The following ERBB2 variants were observed in gnomAD, a reference collection of about 807,000 sequenced individuals.
The protein encoded by ERBB2 is receptor tyrosine-protein kinase erbB-2.
Under a neutral mutation model 149.0 loss-of-function variants are expected in ERBB2, and 61 were observed. The observed-to-expected ratio is 0.41, with a 90% CI of 0.33 to 0.51. ERBB2 has a LOEUF of 0.51. Ranked by LOEUF, ERBB2 falls within the 20% of genes least tolerant of loss-of-function variation. The pLI is 0.25. For synonymous variants in ERBB2, 633 were observed against 678.8 expected, an observed-to-expected ratio of 0.93 and a Z score of 1.05; for missense variants, 1,205 against 1,655.1, an observed-to-expected ratio of 0.73 and a Z score of 4.72.
intron 2 of ERBB2, 161 bp from the exon 3 acceptor site, chr17:39,708,160 G>A: frequency 1.7e-6 from 1 of 585,242 alleles, no homozygotes; most frequent in Non-Finnish European, 3.0e-6. Context: ...GCAAGGTAGG[G>A]CGTGATCTTT....
chr17:39,700,459 C>G lies in ERBB2; in HGVS notation c.73+148C>G, dbSNP rs2058029004. The G allele has an allele frequency of 7.8e-6, 5 of 641,514 alleles. No homozygotes were observed. In the South Asian group the frequency reaches 2.4e-4, roughly 30 times the overall value. The allele number at this position is 641,514 out of a possible 1,614,324, so 39.7% of individuals were successfully genotyped here. A position where few individuals can be genotyped will look rare whatever the true frequency, so the allele number is the denominator to read the frequency against. ...GGACAGTCGAGACGCTCAGGGCAGC[C>G]GGGCCCTGGGGCCCTCGGGCGGGAG... On this transcript the variant is annotated intron_variant, in intron 1 of 26. Transcript: ENST00000269571.
intron 16 of ERBB2, among the ~76,000 whole-genome samples, chr17:39,722,912 CG>C (rs770391469): frequency 1.3e-5 from 2 of 151,952 alleles, no homozygotes; most frequent in Admixed American, 6.6e-5. Context: ...TTAGTAGAGA[CG>C]GGGGTTTCAC....
intron 1 of ERBB2, among the ~76,000 whole-genome samples, chr17:39,702,394 G>T (rs1428970580): frequency 6.6e-6 from 1 of 152,224 alleles, no homozygotes; most frequent in African/African-American, 2.4e-5. Context: ...GAGGCCTAGG[G>T]GGAGCCCCAG....
intron 16 of ERBB2, among the ~76,000 whole-genome samples, chr17:39,721,483 A>G (rs2059450981): frequency 6.6e-6 from 1 of 152,142 alleles, no homozygotes; most frequent in Admixed American, 6.5e-5. Flanking sequence ...CATGTTGGCC[A>G]GGCTGGTCTT....
intron 9 of ERBB2, among the ~76,000 whole-genome samples, chr17:39,713,929 G>A (rs181046534): frequency 1.3e-5 from 2 of 151,678 alleles, no homozygotes; most frequent in African/African-American, 2.4e-5. Flanking sequence ...ATGGTGGTAC[G>A]CACCTGTAGT....
intron 3 of ERBB2, 42 bp downstream of exon 3, chr17:39,708,576 A>AGCTGACCAGGGCCACT: frequency 6.6e-7 from 1 of 1,522,184 alleles, no homozygotes; most frequent in Non-Finnish European, 9.1e-7. Context: ...GGTTATTCAG[A>AGCTGACCAGGGCCACT]GCTGACCAGG....
intron 16 of ERBB2, among the ~76,000 whole-genome samples, chr17:39,720,568 C>T (rs1175955799): frequency 6.6e-6 from 1 of 152,138 alleles, no homozygotes; most frequent in Non-Finnish European, 1.5e-5. Flanking sequence ...AGACCCTGTG[C>T]TAAGCAAGGG....
At chr17:39,691,394 A>T (rs1175004152), upstream of ERBB2, among the ~76,000 whole-genome samples, 1 of 151,650 alleles carries the variant, frequency 6.6e-6, no homozygotes, top group African/African-American at 2.4e-5. Context: ...ATACAAAAAA[A>T]TTAGCTGGGC....
chr17:39,692,405 C>CT (rs779846935), upstream of ERBB2, among the ~76,000 whole-genome samples: 606 of 142,978 alleles, frequency 4.2e-3, 3 homozygotes, highest in Admixed American at 6.2e-3. Flanking sequence ...GTAAGGAACA[C>CT]TTTTTTTTTT....
At chr17:39,711,861 G>T in intron 7 of ERBB2, 67 bp from the exon 8 acceptor site, 16 of 1,601,334 alleles carry the variant, frequency 1.0e-5, no homozygotes, top group Non-Finnish European at 1.4e-5. Flanking sequence ...GCCTGGGCAC[G>T]GTAATGCTGC....
intron 2 of ERBB2, 70 bp downstream of exon 2, chr17:39,707,211 G>T: frequency 7.5e-7 from 1 of 1,340,328 alleles, no homozygotes; most frequent in South Asian, 1.7e-5. Flanking sequence ...ACAGGTGGGT[G>T]GCAGAAGAAG....
At chr17:39,699,667 C>A, upstream of ERBB2, 1 of 940,374 alleles carries the variant, frequency 1.1e-6, no homozygotes, top group Non-Finnish European at 1.7e-6. Flanking sequence ...GATATTAAAA[C>A]AAATAGGCTT....
chr17:39,700,009 TGGA>T, upstream of ERBB2: 2 of 1,264,272 alleles, frequency 1.6e-6, no homozygotes, highest in Non-Finnish European at 2.0e-6. Context: ...AAGGAGGAGG[TGGA>T]GGAGGAGGGC....
chr17:39,707,216 A>G, intron 2 of ERBB2, 75 bp downstream of exon 2: 3 of 1,316,008 alleles, frequency 2.3e-6, no homozygotes, highest in Non-Finnish European at 3.0e-6. Flanking sequence ...TGGGTGGCAG[A>G]AGAAGGTGCC....
chr17:39,727,985 T>C lies in ERBB2; in HGVS notation c.3709T>C (p.Phe1237Leu), dbSNP rs2143317528. Residue 1237 changes from phenylalanine (F) to leucine (L), a missense_variant, in exon 27 of 27, where the codon TTC becomes CTC. Physicochemically the swap from Phe to Leu is conservative, Grantham distance 22. Transcript: ENST00000269571. This position sits in a 1 kb window ranked among gnomAD's most constrained non-coding sequence, Gnocchi z 4.3. ...AGAGCGGGGGGCTCCACCCAGCACCTTCAAAGGGACACCTACGGCAGAGAA... is the reference window on the plus strand; with the variant it reads ...AGAGCGGGGGGCTCCACCCAGCACCCTCAAAGGGACACCTACGGCAGAGAA... ...PPERGAPPST[F>L]KGTPTAENPE... is the part of the protein sequence containing the mutation. The C allele has an allele frequency of 1.2e-6, 2 of 1,613,026 alleles. No individual in the cohort carries two copies. Among genetic ancestry groups the C allele is most frequent in the East Asian group, 2.2e-5 (1 of 44,876 alleles).
intron 1 of ERBB2, 135 bp downstream of exon 1, chr17:39,700,446 C>G: frequency 2.8e-6 from 2 of 718,908 alleles, no homozygotes; most frequent in Non-Finnish European, 3.8e-6. Context: ...ACAGTCGAGA[C>G]GCTCAGGGCA....
At chr17:39,707,264 C>A in intron 2 of ERBB2, 123 bp downstream of exon 2, 1 of 814,728 alleles carries the variant, frequency 1.2e-6, no homozygotes, top group Non-Finnish European at 1.8e-6. Context: ...GGTTTCTCAA[C>A]CAGGAAGTCC....
At chr17:39,711,670 T>C (rs1025088286) in intron 7 of ERBB2, among the ~76,000 whole-genome samples, 1 of 152,194 alleles carries the variant, frequency 6.6e-6, no homozygotes, top group Non-Finnish European at 1.5e-5. Flanking sequence ...AAATCCTCGC[T>C]CCTCCACTCA....
At chr17:39,694,948 T>C (rs1204092694) in exon 1 of ERBB2, 2 of 152,312 alleles carry the variant, frequency 1.3e-5, no homozygotes, top group East Asian at 1.9e-4. Context: ...TCCGAAAATA[T>C]TGTGACCAGG....
Sources: gnomAD v4.1 joint callset for allele counts (sites outside exome capture counted in the v4.1 genomes callset) on GRCh38, gnomAD v4.1.1 for gene constraint, Gnocchi (gnomAD v3.1) non-coding constraint, MANE v1.5 for transcripts, NCBI Gene and HGNC (gene_info 2026-07-23, HGNC 2026-07-21) for gene names.